The following KLRG2 variants were observed in gnomAD, a reference collection of about 807,000 sequenced individuals.
KLRG2 encodes killer cell lectin like receptor G2, also known as killer cell lectin-like receptor subfamily G member 2.
KLRG2 carries 39 observed loss-of-function variants against 35.4 expected under a neutral mutation model. The observed-to-expected ratio is 1.10, with a 90% CI of 0.85 to 1.44. KLRG2 has a LOEUF of 1.44. KLRG2 is among the 40% of genes most tolerant of loss of function. The probability of loss-of-function intolerance (pLI) is 0.00; values close to 1 mark genes in which losing one functional copy is unlikely to be tolerated. For synonymous variants in KLRG2, 283 were observed against 265.8 expected, an observed-to-expected ratio of 1.06 and a Z score of -0.63; for missense variants, 632 against 570.9, an observed-to-expected ratio of 1.11 and a Z score of -1.09.
At chr7:139,433,456 G>A in the KLRG2 span, among the ~76,000 whole-genome samples, 2 of 152,170 alleles carry the variant, frequency 1.3e-5, no homozygotes, top group East Asian at 1.9e-4. Flanking sequence ...CTCCCGAGTA[G>A]CTGGCATTAC....
chr7:139,434,312 GAACC>G, the KLRG2 span, among the ~76,000 whole-genome samples: 3 of 152,160 alleles, frequency 2.0e-5, no homozygotes, highest in Non-Finnish European at 4.4e-5. Context: ...TCATAATTCA[GAACC>G]AACTTATCAC....
the KLRG2 span, among the ~76,000 whole-genome samples, chr7:139,432,294 A>C: frequency 6.6e-6 from 1 of 151,990 alleles, no homozygotes; most frequent in Non-Finnish European, 1.5e-5. Flanking sequence ...ATGAGACTGC[A>C]GTGAGCTGTG....
At chr7:139,444,860 G>T in the KLRG2 span, among the ~76,000 whole-genome samples, 1 of 152,152 alleles carries the variant, frequency 6.6e-6, no homozygotes, top group Non-Finnish European at 1.5e-5. Context: ...ACATAAATAT[G>T]CAGACAGCAG....
the KLRG2 span, among the ~76,000 whole-genome samples, chr7:139,435,369 A>C: frequency 2.0e-5 from 3 of 152,168 alleles, no homozygotes; most frequent in African/African-American, 7.2e-5. Context: ...AGGCACCTGT[A>C]ATCCCAGCTA....
chr7:139,456,276 T>C (rs1796475305), intron 3 of KLRG2, among the ~76,000 whole-genome samples: 1 of 152,238 alleles, frequency 6.6e-6, no homozygotes. Context: ...GACACTGGGC[T>C]GACCCTCTCC....
intron 3 of KLRG2, among the ~76,000 whole-genome samples, chr7:139,471,038 G>C (rs145772526): frequency 9.6e-4 from 146 of 151,480 alleles, no homozygotes; most frequent in African/African-American, 3.3e-3. Context: ...AGTAGAGATA[G>C]GGTTTCACCA....
At chr7:139,450,375 C>T (rs1428764701), downstream of KLRG2, among the ~76,000 whole-genome samples, 1 of 152,120 alleles carries the variant, frequency 6.6e-6, no homozygotes, top group African/African-American at 2.4e-5. Flanking sequence ...AGGCGCCTGC[C>T]ACCACGCCCG....
At chr7:139,467,746 G>C (rs1045674488) in intron 3 of KLRG2, among the ~76,000 whole-genome samples, 2 of 151,970 alleles carry the variant, frequency 1.3e-5, no homozygotes, top group Non-Finnish European at 2.9e-5. Flanking sequence ...ATTGTCCAAG[G>C]TTTCTCCCCA....
At chr7:139,445,797 G>GTATATATATA in the KLRG2 span, among the ~76,000 whole-genome samples, 12 of 99,046 alleles carry the variant, frequency 1.2e-4, 1 homozygote, top group African/African-American at 9.1e-4. Context: ...ATATATGTGT[G>GTATATATATA]TATATATATA....
At chr7:139,476,297 C>T (rs1569415826) in intron 3 of KLRG2, among the ~76,000 whole-genome samples, 1 of 152,038 alleles carries the variant, frequency 6.6e-6, no homozygotes, top group Non-Finnish European at 1.5e-5. Context: ...CAGGGAATCC[C>T]ACGGAGGAGG....
chr7:139,465,930 C>A (rs1796646655), intron 3 of KLRG2, among the ~76,000 whole-genome samples: 1 of 152,144 alleles, frequency 6.6e-6, no homozygotes, highest in African/African-American at 2.4e-5. Flanking sequence ...CCACACAAGG[C>A]AAATGGTTCT....
chr7:139,430,364 T>C, the KLRG2 span, among the ~76,000 whole-genome samples: 1 of 151,602 alleles, frequency 6.6e-6, no homozygotes, highest in Non-Finnish European at 1.5e-5. Context: ...ATTGAGCCAT[T>C]GCACTCCAGC....
In KLRG2 at chr7:139,475,818, C is replaced by T. The variant is rs147380183; in HGVS notation, c.1005+3809G>A. On this transcript the variant is annotated intron_variant, in intron 3 of 4. Transcript: ENST00000340940. ...AAGTTCCAGAGGCCTGGACTTGCGA[C>T]GGGCGTCTGAAGCTGGGCAGCCTTA... Among the ~76,000 whole-genome samples, 770 of 152,226 alleles carry T rather than the reference C, an allele frequency of 5.1e-3. 8 individuals are homozygous for T. The highest frequency in any genetic ancestry group is 0.018 in the African/African-American group (733 of 41,544).
At chr7:139,476,268 AG>A (rs1372473865) in intron 3 of KLRG2, among the ~76,000 whole-genome samples, 2 of 152,108 alleles carry the variant, frequency 1.3e-5, no homozygotes, top group African/African-American at 4.8e-5. Context: ...ACCAACGAAA[AG>A]ACATGCGACC....
chr7:139,479,411 G>A (rs927743746), intron 3 of KLRG2, among the ~76,000 whole-genome samples: 99 of 152,210 alleles, frequency 6.5e-4, no homozygotes, highest in African/African-American at 2.4e-3. Flanking sequence ...GCTGGGCATG[G>A]TGGCACATGC....
rs1385056833 is a variant in KLRG2, at chr7:139,452,882, C to T, written c.*705G>A. On this transcript the variant is annotated 3_prime_UTR_variant, in exon 5 of 5. Coordinates refer to ENST00000340940, the MANE Select transcript of KLRG2 (RefSeq NM_198508.4). Reference sequence around the variant, plus strand: ...CCACCTACCAAGCTGGGGTGCTCTCCTGGCTTCTCCTGCCAGGTGGCCCTG... The same window carrying T: ...CCACCTACCAAGCTGGGGTGCTCTCTTGGCTTCTCCTGCCAGGTGGCCCTG... 1 of 152,526 alleles carries T rather than the reference C, an allele frequency of 6.6e-6. No individual in the cohort carries two copies. The highest frequency in any genetic ancestry group is 1.5e-5 in the Non-Finnish European group (1 of 68,264). 9.4% of individuals were successfully genotyped at this position (152,526 alleles called of 1,614,324 possible).
In KLRG2 at chr7:139,479,717, G is replaced by A; in HGVS notation, c.915C>T (p.Tyr305=). The part of the protein sequence containing the change: ...PGWVLSEEHC[Y]YFSAEAQAWE... ...AGGCCTGCGCTTCTGCAGAGAAGTA[G>A]TAACAGTGCTCCTCGGACAACACCC... The change falls in exon 3 of 5, where the codon TAC becomes TAT. Residue 305 remains tyrosine, a synonymous_variant. Coordinates refer to ENST00000340940, the MANE Select transcript of KLRG2 (RefSeq NM_198508.4). The A allele has an allele frequency of 6.2e-7, 1 of 1,614,078 alleles. No individual in the cohort carries two copies. The highest frequency in any genetic ancestry group is 8.5e-7 in the Non-Finnish European group (1 of 1,180,012).
chr7:139,436,281 G>A, the KLRG2 span, among the ~76,000 whole-genome samples: 4 of 152,108 alleles, frequency 2.6e-5, no homozygotes, highest in African/African-American at 9.7e-5. Flanking sequence ...AAATAAAAAC[G>A]CAAGCATGGA....
At position 139,466,937 on chromosome 7, in the gene KLRG2, T is replaced by C. The variant is rs113162156; in HGVS notation, c.1005+12690A>G. 9.2e-3 allele frequency among the ~76,000 whole-genome samples: 1,403 copies of C among 152,220 alleles called. 25 individuals are homozygous for C. Among genetic ancestry groups the C allele is most frequent in the Non-Finnish European group, 0.014 (948 of 68,018 alleles). On this transcript the variant is annotated intron_variant, in intron 3 of 4. Coordinates refer to ENST00000340940, the MANE Select transcript of KLRG2 (RefSeq NM_198508.4). Reference sequence around the variant, plus strand: ...TTAGGCACTCTCTAATTGGATGTCCTGGGCCCTCCCAATTCTTAGTCCTTT... The same window carrying C: ...TTAGGCACTCTCTAATTGGATGTCCCGGGCCCTCCCAATTCTTAGTCCTTT...
Sources: allele counts gnomAD v4.1 joint callset (sites outside exome capture counted in the v4.1 genomes callset), GRCh38; gene constraint gnomAD v4.1.1; transcripts MANE v1.5; gene names NCBI Gene and HGNC (gene_info 2026-07-23, HGNC 2026-07-21).